Variants in NDST4 observed in about 807,000 individuals in gnomAD.
The protein encoded by NDST4 is N-heparan sulfate sulfotransferase 4.
In NDST4, 63 loss-of-function variants were observed where a neutral mutation model predicts 100.8. The ratio of observed to expected loss-of-function variants is 0.62; its 90% confidence interval spans 0.51 to 0.77. NDST4 has a LOEUF of 0.77. Ranked by LOEUF, NDST4 falls within the 30% of genes least tolerant of loss-of-function variation. The pLI is 0.00. For synonymous variants in NDST4, 377 were observed against 361.8 expected (o/e 1.04, Z -0.48); for missense variants, 943 against 1,018.4 (o/e 0.93, Z 1.01).
intron 2 of NDST4, among the ~76,000 whole-genome samples, chr4:115,033,148 TATATA>T (rs1560574217): frequency 2.3e-5 from 3 of 131,408 alleles, no homozygotes; most frequent in Admixed American, 7.9e-5. Context: ...TATATATATA[TATATA>T]TATATTTTTT....
intron 2 of NDST4, among the ~76,000 whole-genome samples, chr4:114,998,168 A>C (rs2126254633): frequency 6.6e-6 from 1 of 152,208 alleles, no homozygotes; most frequent in South Asian, 2.1e-4. Flanking sequence ...CTCTAGTTTC[A>C]GAATTCTTGC....
intron 2 of NDST4, among the ~76,000 whole-genome samples, chr4:115,063,690 C>G (rs1728871473): frequency 6.6e-6 from 1 of 151,836 alleles, no homozygotes; most frequent in African/African-American, 2.4e-5. Context: ...CAGAGAATGA[C>G]AAAGCATAGA....
chr4:114,937,632 G>T (rs1489331925), intron 4 of NDST4, 129 bp from the exon 5 acceptor site: 2 of 731,312 alleles, frequency 2.7e-6, no homozygotes, highest in Non-Finnish European at 4.2e-6. Flanking sequence ...ATCCAGCAAG[G>T]TAGAGGTTTT....
chr4:114,959,287 T>G (rs1183939205), intron 4 of NDST4, among the ~76,000 whole-genome samples: 1 of 152,126 alleles, frequency 6.6e-6, no homozygotes. Context: ...ACATCCACAA[T>G]TTTGGGTATA....
chr4:114,869,902 T>C (rs1724110739), intron 7 of NDST4, among the ~76,000 whole-genome samples: 1 of 152,106 alleles, frequency 6.6e-6, no homozygotes, highest in South Asian at 2.1e-4. Flanking sequence ...GTAATATGAT[T>C]TATGGAATAA....
intron 2 of NDST4, among the ~76,000 whole-genome samples, chr4:115,042,158 C>A (rs1043106743): frequency 7.9e-5 from 12 of 152,090 alleles, no homozygotes; most frequent in African/African-American, 2.7e-4. Flanking sequence ...TTTTAAACTA[C>A]ATGTCATTCT....
At chr4:114,919,573 T>C (rs563743924) in intron 6 of NDST4, among the ~76,000 whole-genome samples, 1 of 152,226 alleles carries the variant, frequency 6.6e-6, no homozygotes, top group African/African-American at 2.4e-5. Flanking sequence ...GGTTATAGTG[T>C]AGTAAGTGAG....
chr4:114,867,665 C>CAAAAAAAAAAAAAAAAAAAAAAAAGAAAA, intron 7 of NDST4, among the ~76,000 whole-genome samples: 1 of 79,900 alleles, frequency 1.3e-5, no homozygotes, highest in African/African-American at 4.9e-5. Flanking sequence ...AAAAAAAAAG[C>CAAAAAAAAAAAAAAAAAAAAAAAAGAAAA]AAAAAAAAAA....
chr4:114,899,660 T>G (rs959370066), intron 6 of NDST4, among the ~76,000 whole-genome samples: 12 of 152,210 alleles, frequency 7.9e-5, no homozygotes, highest in Middle Eastern at 3.2e-3. Context: ...TTTCCAATGA[T>G]GAGCCAGCAT....
chr4:114,884,888 G>A (rs28727924), intron 6 of NDST4, among the ~76,000 whole-genome samples: 13,621 of 152,048 alleles, frequency 0.09, 1,790 homozygotes, highest in African/African-American at 0.29. Context: ...AGTAAACCAG[G>A]CAGCTAAACT....
chr4:114,873,354 T>C (rs1201072687), intron 6 of NDST4, among the ~76,000 whole-genome samples: 2 of 151,734 alleles, frequency 1.3e-5, no homozygotes, highest in Non-Finnish European at 2.9e-5. Context: ...TAAATATTAG[T>C]TGACAATGAT....
intron 6 of NDST4, among the ~76,000 whole-genome samples, chr4:114,902,055 A>C (rs762713829): frequency 1.3e-5 from 2 of 152,072 alleles, no homozygotes; most frequent in Non-Finnish European, 2.9e-5. Context: ...ACATACAAAT[A>C]TGATTACATA....
intron 6 of NDST4, among the ~76,000 whole-genome samples, chr4:114,919,677 T>C (rs1159291183): frequency 6.6e-6 from 1 of 152,180 alleles, no homozygotes; most frequent in Non-Finnish European, 1.5e-5. Context: ...TAAGATTAAA[T>C]GAGAAAGCAT....
chr4:114,996,087 T>C (rs1727155369), intron 2 of NDST4, among the ~76,000 whole-genome samples: 1 of 152,076 alleles, frequency 6.6e-6, no homozygotes, highest in African/African-American at 2.4e-5. Flanking sequence ...GTTTATATGG[T>C]TTGGCTCTGT....
chr4:115,029,972 A>G (rs1728080319), intron 2 of NDST4, among the ~76,000 whole-genome samples: 2 of 152,148 alleles, frequency 1.3e-5, no homozygotes, highest in African/African-American at 4.8e-5. Flanking sequence ...AGCATAAAGT[A>G]TGCTTAGTTA....
chr4:114,850,090 G>A (rs1320340324), intron 8 of NDST4, among the ~76,000 whole-genome samples: 2 of 152,140 alleles, frequency 1.3e-5, no homozygotes, highest in East Asian at 3.9e-4. Context: ...TAAGGGGGGT[G>A]GAGAGAAAGA....
At chr4:114,889,410 A>C (rs116600155) in intron 6 of NDST4, among the ~76,000 whole-genome samples, 206 of 152,306 alleles carry the variant, frequency 1.4e-3, no homozygotes, top group African/African-American at 4.5e-3. Context: ...GAGTAGACTG[A>C]AGATGACCTT....
chr4:114,830,469 CTT>C (rs1037479113), intron 12 of NDST4, among the ~76,000 whole-genome samples: 19 of 152,208 alleles, frequency 1.2e-4, no homozygotes, highest in Non-Finnish European at 2.9e-5. Flanking sequence ...TAGACAACCT[CTT>C]ATTTCTCTTG....
chr4:115,077,476 A>G (rs1180807194), intron 1 of NDST4, among the ~76,000 whole-genome samples, 194 bp from the exon 2 acceptor site: 1 of 152,188 alleles, frequency 6.6e-6, no homozygotes, highest in Admixed American at 6.5e-5. Context: ...GATAACCTCC[A>G]GAACACAGAA....
Sources: allele counts gnomAD v4.1 joint callset (sites outside exome capture counted in the v4.1 genomes callset), GRCh38; gene constraint gnomAD v4.1.1; transcripts MANE v1.5; gene names NCBI Gene and HGNC (gene_info 2026-07-23, HGNC 2026-07-21).